Variants in ROBO1 observed in about 807,000 individuals in gnomAD.
ROBO1 encodes the protein roundabout guidance receptor 1, also known as roundabout homolog 1.
A neutral mutation model predicts 195.9 loss-of-function variants in ROBO1; 149 were observed. The observed-to-expected ratio is 0.76, with a 90% CI of 0.67 to 0.87. ROBO1 has a LOEUF of 0.87. ROBO1 is among the 40% of genes least tolerant of loss of function. The pLI, the probability that ROBO1 is intolerant of heterozygous loss-of-function variation, is 0.00. For synonymous variants in ROBO1, 816 were observed against 733.2 expected, an observed-to-expected ratio of 1.11 and a Z score of -1.82; for missense variants, 1,933 against 2,068.3, an observed-to-expected ratio of 0.93 and a Z score of 1.27.
At chr3:79,338,047 T>A (rs1467079656) in intron 2 of ROBO1, among the ~76,000 whole-genome samples, 1 of 152,176 alleles carries the variant, frequency 6.6e-6, no homozygotes, top group Non-Finnish European at 1.5e-5. Flanking sequence ...TATATAAAGG[T>A]CAAAATCAAT....
intron 1 of ROBO1, among the ~76,000 whole-genome samples, chr3:79,625,422 T>TCAAAAAAA (rs1945136215): frequency 2.5e-4 from 1 of 3,982 alleles, no homozygotes; most frequent in Non-Finnish European, 4.5e-4. Flanking sequence ...CTGTTTTTTT[T>TCAAAAAAA]GAAAAAAAAA....
At chr3:79,339,850 T>C (rs2109218250) in intron 2 of ROBO1, among the ~76,000 whole-genome samples, 1 of 152,330 alleles carries the variant, frequency 6.6e-6, no homozygotes, top group East Asian at 1.9e-4. Context: ...TGGAGTTATT[T>C]AAAACAATTT....
intron 1 of ROBO1, among the ~76,000 whole-genome samples, chr3:79,693,847 T>C (rs1947366640): frequency 6.6e-6 from 1 of 151,756 alleles, no homozygotes; most frequent in African/African-American, 2.4e-5. Context: ...ACCTTCTAAT[T>C]ATCAAATACC....
At chr3:79,687,930 T>C (rs72631228) in intron 1 of ROBO1, among the ~76,000 whole-genome samples, 42,480 of 151,814 alleles carry the variant, frequency 0.28, 6,085 homozygotes, top group East Asian at 0.38. Flanking sequence ...TGTATGTTTC[T>C]TGTGGCACTA....
chr3:79,415,638 TAAG>T (rs1444748302), intron 2 of ROBO1, among the ~76,000 whole-genome samples: 1 of 152,172 alleles, frequency 6.6e-6, no homozygotes, highest in Non-Finnish European at 1.5e-5. Flanking sequence ...TCTGTGGTTT[TAAG>T]AAGAAGCAGA....
intron 1 of ROBO1, among the ~76,000 whole-genome samples, chr3:79,756,599 G>A (rs1704418627): frequency 1.3e-5 from 2 of 149,992 alleles, no homozygotes; most frequent in Admixed American, 6.6e-5. Context: ...TAAGGGGTAA[G>A]GATGTCCAAG....
intron 4 of ROBO1, among the ~76,000 whole-genome samples, chr3:78,901,444 T>G (rs2037581187): frequency 1.3e-5 from 2 of 152,206 alleles, no homozygotes; most frequent in African/African-American, 4.8e-5. Context: ...GACATTTTAC[T>G]TTAAAATATA....
At chr3:78,638,520 G>T (rs1705701782) in intron 22 of ROBO1, among the ~76,000 whole-genome samples, 1 of 151,682 alleles carries the variant, frequency 6.6e-6, no homozygotes, top group Non-Finnish European at 1.5e-5. Context: ...TTTGATCTGT[G>T]TTACTCCCAA....
intron 1 of ROBO1, among the ~76,000 whole-genome samples, chr3:79,679,067 T>C (rs1946867909): frequency 6.6e-6 from 1 of 152,000 alleles, no homozygotes; most frequent in Admixed American, 6.6e-5. Flanking sequence ...GTCAATACAG[T>C]TGGACTTTCA....
At chr3:78,943,170 C>A (rs575170160) in intron 3 of ROBO1, among the ~76,000 whole-genome samples, 1 of 150,722 alleles carries the variant, frequency 6.6e-6, no homozygotes, top group East Asian at 2.0e-4. Context: ...GAGCCAAGAT[C>A]GTGCCACTGC....
At chr3:79,251,767 C>G (rs1034957319) in intron 2 of ROBO1, among the ~76,000 whole-genome samples, 6 of 151,768 alleles carry the variant, frequency 4.0e-5, no homozygotes, top group Non-Finnish European at 8.8e-5. Flanking sequence ...CAAAAGCAAA[C>G]AAAAAACAAA....
intron 2 of ROBO1, among the ~76,000 whole-genome samples, chr3:79,550,212 A>AAAG (rs56858223): frequency 1.6e-5 from 2 of 125,400 alleles, no homozygotes; most frequent in African/African-American, 6.1e-5. Context: ...AAAAGAAAAG[A>AAAG]AAAGAAAAGA....
intron 4 of ROBO1, among the ~76,000 whole-genome samples, chr3:78,827,442 G>A (rs926672779): frequency 1.3e-5 from 2 of 152,118 alleles, no homozygotes; most frequent in African/African-American, 4.8e-5. Context: ...AAGTTAAAGA[G>A]GCTAATCCAA....
chr3:78,626,580 GC>G (rs1704794298), intron 26 of ROBO1, among the ~76,000 whole-genome samples: 1 of 151,856 alleles, frequency 6.6e-6, no homozygotes, highest in African/African-American at 2.4e-5. Flanking sequence ...TGTGTCAAGG[GC>G]AAAAAAACAG....
intron 1 of ROBO1, among the ~76,000 whole-genome samples, chr3:79,701,358 G>GA (rs1284825462): frequency 2.0e-5 from 3 of 151,492 alleles, no homozygotes; most frequent in Admixed American, 1.3e-4. Flanking sequence ...CTAGTTCTGT[G>GA]AAAAAATGAT....
intron 1 of ROBO1, among the ~76,000 whole-genome samples, chr3:79,649,357 T>C (rs1292335784): frequency 6.6e-6 from 1 of 152,108 alleles, no homozygotes; most frequent in Non-Finnish European, 1.5e-5. Flanking sequence ...TTTGTTTATA[T>C]ATTTATTTAA....
chr3:78,897,628 T>TTTTTA (rs10662470), intron 4 of ROBO1, among the ~76,000 whole-genome samples: 150,958 of 152,110 alleles, frequency 0.99, 74,912 homozygotes, highest in Middle Eastern at 1. Context: ...CTATCAGCCC[T>TTTTTA]TTTTATTTAT....
intron 2 of ROBO1, among the ~76,000 whole-genome samples, chr3:79,429,919 ATAC>A (rs1404046948): frequency 3.9e-5 from 6 of 152,010 alleles, no homozygotes; most frequent in Admixed American, 3.9e-4. Context: ...TATTATTATT[ATAC>A]AATAGATGCT....
At chr3:79,557,009 CT>C (rs1299844647) in intron 2 of ROBO1, among the ~76,000 whole-genome samples, 9 of 144,920 alleles carry the variant, frequency 6.2e-5, no homozygotes, top group African/African-American at 2.1e-4. Context: ...CTCTGAATTC[CT>C]TTTTTTGTTG....
Sources: gnomAD v4.1 joint callset for allele counts (sites outside exome capture counted in the v4.1 genomes callset) on GRCh38, gnomAD v4.1.1 for gene constraint, MANE v1.5 for transcripts, NCBI Gene and HGNC (gene_info 2026-07-23, HGNC 2026-07-21) for gene names.